The following SVIL variants were observed in gnomAD, a reference collection of about 807,000 sequenced individuals.
SVIL encodes the protein supervillin.
In SVIL, 101 loss-of-function variants were observed where a neutral mutation model predicts 240.4. The ratio of observed to expected loss-of-function variants is 0.42; its 90% CI spans 0.36 to 0.50. The LOEUF is 0.50. Among genes scored for constraint, SVIL ranks in the 20% least tolerant of loss-of-function variants. SVIL has a pLI of 0.01. For synonymous variants in SVIL, 999 were observed against 1,100.0 expected, an observed-to-expected ratio of 0.91 and a Z score of 1.82; for missense variants, 2,512 against 2,818.7, an observed-to-expected ratio of 0.89 and a Z score of 2.46.
intron 6 of SVIL, among the ~76,000 whole-genome samples, chr10:29,540,907 G>C (rs756759652): frequency 6.6e-6 from 1 of 152,178 alleles, no homozygotes; most frequent in Non-Finnish European, 1.5e-5. Context: ...TTCCACCTTG[G>C]AGCAGCGCAG....
In SVIL at chr10:29,653,495, G is replaced by A. The variant is rs1195210241; in HGVS notation, c.-201+4474C>T. Among the ~76,000 whole-genome samples, 5 of 152,252 alleles carry A rather than the reference G, an allele frequency of 3.3e-5. No individual in the cohort carries two copies. In the East Asian group the frequency reaches 5.8e-4, roughly 18 times the overall value. On this transcript the variant is annotated intron_variant, in intron 3 of 35. Transcript: ENST00000375400. The stretch of plus-strand genomic sequence containing the variant: ...CAGGTAGTTCTTTATAGCAATGCGA[G>A]AATGGACTAATGCATAGCCCTTTTC...
At chr10:29,552,053 G>T (rs1953396724) in intron 5 of SVIL, among the ~76,000 whole-genome samples, 1 of 151,878 alleles carries the variant, frequency 6.6e-6, no homozygotes, top group Non-Finnish European at 1.5e-5. Flanking sequence ...GTTCAAGGCT[G>T]CAGTAAGCTA....
intron 13 of SVIL, among the ~76,000 whole-genome samples, chr10:29,525,630 A>G (rs1207653950): frequency 6.6e-6 from 1 of 152,196 alleles, no homozygotes; most frequent in Non-Finnish European, 1.5e-5. Context: ...ATAAATCAGT[A>G]AATAAATAAA....
chr10:29,531,411 T>C, intron 9 of SVIL, 123 bp from the exon 10 acceptor site: 1 of 931,176 alleles, frequency 1.1e-6, no homozygotes, highest in East Asian at 2.6e-5. Flanking sequence ...AATAACCTCC[T>C]GGTAGCAATT....
rs1647734479 is a variant in SVIL, at chr10:29,481,744, G to A, written c.4956-16C>T. The A allele has an allele frequency of 7.5e-6, 12 of 1,610,300 alleles. No individual in the cohort carries two copies. Among genetic ancestry groups the A allele is most frequent in the Non-Finnish European group, 9.3e-6 (11 of 1,178,736 alleles). On this transcript the variant is annotated splice_polypyrimidine_tract_variant and intron_variant, in intron 27 of 37. Transcript: ENST00000355867. The stretch of plus-strand genomic sequence containing the variant: ...CTGTCCTTTTCTGTAGGGTGGGAGG[G>A]GGGTTGGGAGAACAGACAGGAAAAG...
At chr10:29,588,916 C>A (rs1249708062) in intron 1 of SVIL, among the ~76,000 whole-genome samples, 1 of 152,074 alleles carries the variant, frequency 6.6e-6, no homozygotes, top group Non-Finnish European at 1.5e-5. Flanking sequence ...CTCCCCCACC[C>A]CCCCTTTTAT....
chr10:29,466,252 AATATAC>A (rs1157464577), intron 33 of SVIL, among the ~76,000 whole-genome samples: 3 of 151,732 alleles, frequency 2.0e-5, no homozygotes, highest in African/African-American at 7.3e-5. Flanking sequence ...ATATAACATA[AATATAC>A]ATATATTGTA....
intron 1 of SVIL, among the ~76,000 whole-genome samples, chr10:29,588,662 T>A (rs541436974): frequency 1.4e-4 from 22 of 152,304 alleles, no homozygotes; most frequent in African/African-American, 5.1e-4. Flanking sequence ...AACCCCAAAC[T>A]CACTATGCCA....
rs568592337 is a variant in SVIL at position 29,714,683 on chromosome 10, G to C, written c.-400+21068C>G. 5.3e-5 allele frequency among the ~76,000 whole-genome samples: 8 copies of C among 152,240 alleles called. No homozygotes were observed. The South Asian group carries it at 1.7e-3, about 32-fold the overall frequency. On this transcript the variant is annotated intron_variant, in intron 1 of 35. Transcript: ENST00000375400. ...GAGACAAAAGAAAAAGGCTTGGCCGGGCGTGGTGACTCATGCCTGTAATCC... is the reference window on the plus strand; with the variant it reads ...GAGACAAAAGAAAAAGGCTTGGCCGCGCGTGGTGACTCATGCCTGTAATCC...
At chr10:29,601,610 C>T (rs2488679) in intron 1 of SVIL, among the ~76,000 whole-genome samples, 36,775 of 152,082 alleles carry the variant, frequency 0.24, 4,452 homozygotes, top group Middle Eastern at 0.27. Flanking sequence ...AGGTGACTGA[C>T]GGCCTACCAT....
chr10:29,704,174 C>T (rs762416123), intron 1 of SVIL, among the ~76,000 whole-genome samples: 11 of 152,130 alleles, frequency 7.2e-5, no homozygotes, highest in Non-Finnish European at 1.6e-4. Flanking sequence ...GGCTGGGCGC[C>T]TCAGCCTACC....
intron 16 of SVIL, among the ~76,000 whole-genome samples, chr10:29,515,244 C>T (rs569115799): frequency 1.3e-5 from 2 of 152,316 alleles, no homozygotes; most frequent in African/African-American, 4.8e-5. Context: ...TGTTTAACAA[C>T]ACCCTGCATG....
In SVIL at chr10:29,530,596, G is replaced by A. The variant is rs1308180239; in HGVS notation, c.2106+11C>T. Reference sequence around the variant, plus strand: ...TAGGGATCTCTATTCAAGCACGTCAGCACAGCTTACCCTGAAAAGCAACCT... The same window carrying A: ...TAGGGATCTCTATTCAAGCACGTCAACACAGCTTACCCTGAAAAGCAACCT... On this transcript the variant is annotated intron_variant, in intron 11 of 37. Transcript: ENST00000355867. 2 of 1,613,898 alleles carry A rather than the reference G, an allele frequency of 1.2e-6. No individual in the cohort carries two copies. The highest frequency in any genetic ancestry group is 1.7e-5 in the Admixed American group (1 of 60,002).
chr10:29,470,465 C>T lies in SVIL; in HGVS notation c.5654G>A (p.Cys1885Tyr). The change falls in exon 32 of 38, where the codon TGC (cysteine) becomes TAC (tyrosine). Residue 1885 changes from cysteine to tyrosine, a missense_variant. Cys to Tyr is a radical substitution (Grantham distance 194). Transcript: ENST00000355867. ...ENVQSEWRLYCVRGEVPVEGN... is the reference protein window; with the variant it reads ...ENVQSEWRLYYVRGEVPVEGN... ...TTCCACGGGCACCTCTCCACGCACG[C>T]AGTACAGCCGCCACTCACCTGCAGG... is the stretch of plus-strand genomic sequence containing the variant. The T allele has an allele frequency of 1.9e-6, 3 of 1,613,602 alleles. No individual in the cohort carries two copies. Among genetic ancestry groups the T allele is most frequent in the Non-Finnish European group, 2.5e-6 (3 of 1,179,988 alleles).
rs76359537 is a variant in SVIL, at chr10:29,703,320, C to T, written c.-399-16669G>A. ...AAACGCCAGATGCTGAGCATTTCTG[C>T]GCTTCCCCTTCCCCAGACCAGCCCC... On this transcript the variant is annotated intron_variant, in intron 1 of 35. Transcript: ENST00000375400. Among the ~76,000 whole-genome samples the T allele has an allele frequency of 2.6e-3, 391 of 152,280 alleles. 4 individuals are homozygous for T. Among genetic ancestry groups the T allele is most frequent in the East Asian group, 0.022 (116 of 5,182 alleles).
chr10:29,716,659 C>T (rs986575231), intron 1 of SVIL, among the ~76,000 whole-genome samples: 1 of 152,138 alleles, frequency 6.6e-6, no homozygotes, highest in Admixed American at 6.5e-5. Flanking sequence ...TGAAATTAGT[C>T]ACTCAAAATA....
chr10:29,599,175 C>T (rs1956716353), intron 1 of SVIL, among the ~76,000 whole-genome samples: 1 of 152,200 alleles, frequency 6.6e-6, no homozygotes, highest in Non-Finnish European at 1.5e-5. Context: ...TATAGCAGGA[C>T]TATCTCATCC....
At chr10:29,621,849 AACAC>A (rs1178200540) in intron 1 of SVIL, among the ~76,000 whole-genome samples, 1 of 151,444 alleles carries the variant, frequency 6.6e-6, no homozygotes, top group Non-Finnish European at 1.5e-5. Flanking sequence ...CACACATACA[AACAC>A]ACACAATCAC....
chr10:29,658,591 C>CA (rs1334640875), intron 2 of SVIL, among the ~76,000 whole-genome samples: 1 of 152,070 alleles, frequency 6.6e-6, no homozygotes, highest in African/African-American at 2.4e-5. Context: ...CCTGTCTATA[C>CA]AAAAAATTGA....
Sources: gnomAD v4.1 joint callset for allele counts (sites outside exome capture counted in the v4.1 genomes callset) on GRCh38, gnomAD v4.1.1 for gene constraint, MANE v1.5 for transcripts, NCBI Gene and HGNC (gene_info 2026-07-23, HGNC 2026-07-21) for gene names.